The following MYH9 variants were observed in gnomAD, a reference collection of about 807,000 sequenced individuals.
MYH9 encodes the protein myosin heavy chain 9.
A neutral mutation model predicts 241.9 loss-of-function variants in MYH9; 29 were observed. The ratio of observed to expected loss-of-function variants is 0.12; its 90% CI spans 0.09 to 0.16. The LOEUF (loss-of-function observed/expected upper bound fraction) is 0.16. Ranked by LOEUF, MYH9 falls within the 10% of genes least tolerant of loss-of-function variation. The pLI is 1.00. For missense variants in MYH9, 1,803 were observed against 2,595.5 expected (o/e 0.69, Z 6.63); for synonymous variants, 1,047 against 1,062.6 (o/e 0.99, Z 0.29).
chr22:36,360,897 G>A (rs1044539856), intron 1 of MYH9, among the ~76,000 whole-genome samples: 1 of 152,182 alleles, frequency 6.6e-6, no homozygotes, highest in Non-Finnish European at 1.5e-5. Flanking sequence ...GTGCAATCCT[G>A]CAGGCACCAC....
intron 15 of MYH9, among the ~76,000 whole-genome samples, chr22:36,308,029 C>G (rs908856443): frequency 2.6e-5 from 4 of 152,086 alleles, no homozygotes; most frequent in African/African-American, 4.8e-5. Flanking sequence ...GTGGCCTCAT[C>G]ATAACTGGCC....
chr22:36,353,840 G>A (rs910214657), intron 1 of MYH9, among the ~76,000 whole-genome samples: 19 of 152,220 alleles, frequency 1.2e-4, no homozygotes, highest in African/African-American at 4.6e-4. Flanking sequence ...GCAGAGGACA[G>A]AGTTTCAGAT....
At position 36,320,486 on chromosome 22, in the gene MYH9, C is replaced by T; in HGVS notation, c.869-123G>A. On this transcript the variant is annotated intron_variant, in intron 8 of 40. Coordinates refer to ENST00000216181, the MANE Select transcript of MYH9 (RefSeq NM_002473.6). The surrounding 1 kb of genome is among the most constrained non-coding windows in gnomAD (Gnocchi z 4.8). ...CCTGAGCCCTGACGCACCCTGGAAA[C>T]CGCAGAGTAGCCAGTGACGTTCAGC... 3 of 1,272,096 alleles carry T rather than the reference C, an allele frequency of 2.4e-6. No homozygotes were observed. Among genetic ancestry groups the T allele is most frequent in the Non-Finnish European group, 3.4e-6 (3 of 890,220 alleles). 78.8% of individuals were successfully genotyped at this position (1,272,096 alleles called of 1,614,324 possible).
rs1375723216 is a variant in MYH9 at position 36,292,036 on chromosome 22, G to C, written c.4294C>G (p.Gln1432Glu). The C allele has an allele frequency of 6.2e-7, 1 of 1,614,072 alleles. No homozygotes were observed. Among genetic ancestry groups the C allele is most frequent in the Non-Finnish European group, 8.5e-7 (1 of 1,180,054 alleles). The change falls in exon 31 of 41, where the codon CAG becomes GAG. Residue 1432 changes from glutamine (Q) to glutamate (E), a missense_variant. Physicochemically the swap from Gln to Glu is conservative, Grantham distance 29. Around this residue, in one of 11 missense-constraint regions of MYH9, gnomAD observed 876 missense variants for 1,077.8 expected, o/e 0.81. Transcript: ENST00000216181. ...TCCAGGTTGCACGCGCTCTGGCGCT[G>C]GTGGTCCAGGTCCACCAGCAGGTCG... ...LDDLLVDLDH[Q>E]RQSACNLEKK...
Position 36,298,998 on chromosome 22 carries a change from G to A in MYH9, c.3021C>T (p.Asn1007=). ...LEDRIAEFTT[N]LTEEEEKSKS... The stretch of plus-strand genomic sequence containing the variant: ...TAGATTTCTCCTCCTCTTCTGTGAG[G>A]TTGGTGGTGAACTCAGCTATTCTGT... Residue 1007 remains asparagine, a synonymous_variant, in exon 24 of 41, where the codon AAC becomes AAT. Transcript: ENST00000216181. 2.5e-6 allele frequency: 4 copies of A among 1,614,166 alleles called. No homozygotes were observed. The highest frequency in any genetic ancestry group is 3.4e-6 in the Non-Finnish European group (4 of 1,180,018).
intron 1 of MYH9, among the ~76,000 whole-genome samples, chr22:36,355,979 G>C (rs562573161): frequency 4.6e-5 from 7 of 152,314 alleles, no homozygotes; most frequent in African/African-American, 1.7e-4. Context: ...AAAGAAGGTG[G>C]GAGTGTGACC....
intron 1 of MYH9, among the ~76,000 whole-genome samples, chr22:36,355,426 T>G (rs1362877083): frequency 6.6e-6 from 1 of 152,164 alleles, no homozygotes; most frequent in South Asian, 2.1e-4. Context: ...CTCTTTTTAC[T>G]TATTTGTGGG....
intron 1 of MYH9, among the ~76,000 whole-genome samples, chr22:36,356,006 A>T (rs1455456516): frequency 3.3e-5 from 5 of 152,170 alleles, no homozygotes; most frequent in Admixed American, 3.3e-4. Flanking sequence ...GAGCCATTTG[A>T]GTTCTCTGTG....
Position 36,300,093 on chromosome 22 carries a change from T to C in MYH9, c.2976+34A>G. On this transcript the variant is annotated intron_variant, in intron 23 of 40. Transcript: ENST00000216181. The surrounding 1 kb of genome is among the most constrained non-coding windows in gnomAD (Gnocchi z 5.0). ...CACACTCTCCCATCCACGGCGCCCC[T>C]GGAGCAGCGGCAGGCGACAGCCACG... The C allele has an allele frequency of 6.2e-7, 1 of 1,606,440 alleles. No individual in the cohort carries two copies. The highest frequency in any genetic ancestry group is 1.1e-5 in the South Asian group (1 of 91,072).
At chr22:36,284,879 C>T (rs2016552841) in intron 38 of MYH9, among the ~76,000 whole-genome samples, 2 of 152,190 alleles carry the variant, frequency 1.3e-5, no homozygotes, top group Admixed American at 6.5e-5. Context: ...CTCTGATTCA[C>T]TCTCAGACAC....
At chr22:36,299,941 A>G (rs1031478463) in intron 23 of MYH9, among the ~76,000 whole-genome samples, 186 bp downstream of exon 23, 1 of 152,102 alleles carries the variant, frequency 6.6e-6, no homozygotes, top group Non-Finnish European at 1.5e-5. Flanking sequence ...TTTGCTTATG[A>G]GGAAATCCCT....
Position 36,306,052 on chromosome 22 carries a change from C to T in MYH9, c.2038-1G>A. ...CGAGATGCGGGTCCAGCTTGCCGGCCTGGAGAAGAAAACACATGCATGCGG... is the reference window on the plus strand; with the variant it reads ...CGAGATGCGGGTCCAGCTTGCCGGCTTGGAGAAGAAAACACATGCATGCGG... On this transcript the variant is annotated splice_acceptor_variant, in intron 16 of 40. Coordinates refer to ENST00000216181, the MANE Select transcript of MYH9 (RefSeq NM_002473.6). LOFTEE classifies it high-confidence loss of function. The surrounding 1 kb of genome is among the most constrained non-coding windows in gnomAD (Gnocchi z 4.1). 6.2e-7 allele frequency: 1 copy of T among 1,613,046 alleles called. No homozygotes were observed. Among genetic ancestry groups the T allele is most frequent in the Non-Finnish European group, 8.5e-7 (1 of 1,180,016 alleles).
At chr22:36,375,422 C>T (rs374666025) in intron 1 of MYH9, among the ~76,000 whole-genome samples, 3 of 152,188 alleles carry the variant, frequency 2.0e-5, no homozygotes, top group South Asian at 2.1e-4. Context: ...CTGGCAACCC[C>T]GCTGTGGGTT....
chr22:36,312,610 C>T (rs1007306984), intron 13 of MYH9, among the ~76,000 whole-genome samples: 7 of 152,118 alleles, frequency 4.6e-5, no homozygotes, highest in African/African-American at 1.7e-4. Flanking sequence ...ACATGCTTTG[C>T]GTCTGCATGT....
At position 36,289,145 on chromosome 22, in the gene MYH9, G is replaced by A. The variant is rs1407192548; in HGVS notation, c.4497C>T (p.Asn1499=). 2.5e-6 allele frequency: 4 copies of A among 1,614,060 alleles called. No individual in the cohort carries two copies. In the South Asian group the frequency reaches 4.4e-5, roughly 18 times the overall value. The change falls in exon 32 of 41, where the codon AAC becomes AAT. Residue 1499 remains asparagine, a synonymous_variant. Transcript: ENST00000216181. ...MEQKAELERL[N]KQFRTEMEDL... is the part of the protein sequence containing the mutation. Reference sequence around the variant, plus strand: ...CCTCCATCTCCGTGCGGAACTGCTTGTTGAGCCGCTCCAGCTCCGCCTTCT... The same window carrying A: ...CCTCCATCTCCGTGCGGAACTGCTTATTGAGCCGCTCCAGCTCCGCCTTCT...
At chr22:36,385,224 G>A (rs1335464521) in intron 1 of MYH9, among the ~76,000 whole-genome samples, 1 of 151,406 alleles carries the variant, frequency 6.6e-6, no homozygotes, top group Non-Finnish European at 1.5e-5. Flanking sequence ...CCCTCCAAGA[G>A]AAGGGTAGGG....
chr22:36,331,776 G>A (rs1444954865), intron 3 of MYH9, among the ~76,000 whole-genome samples: 1 of 152,218 alleles, frequency 6.6e-6, no homozygotes, highest in Non-Finnish European at 1.5e-5. Flanking sequence ...GGCTCCACCT[G>A]GGAGAGGTCC....
chr22:36,294,034 G>T, intron 28 of MYH9, 58 bp downstream of exon 28: 2 of 1,584,916 alleles, frequency 1.3e-6, no homozygotes, highest in Admixed American at 1.7e-5. Flanking sequence ...CTGGGGACCT[G>T]GGCCACAACT....
At chr22:36,319,378 C>T (rs552083584) in intron 10 of MYH9, among the ~76,000 whole-genome samples, 162 bp downstream of exon 10, 8 of 152,242 alleles carry the variant, frequency 5.3e-5, no homozygotes, top group Non-Finnish European at 1.0e-4. Context: ...GAAAAAAAAG[C>T]AGGGTCATGT....
Sources: gnomAD v4.1 joint callset for allele counts (sites outside exome capture counted in the v4.1 genomes callset) on GRCh38, gnomAD v4.1.1 for gene constraint, gnomAD v4.1.1 regional missense constraint, Gnocchi (gnomAD v3.1) non-coding constraint, MANE v1.5 for transcripts, NCBI Gene and HGNC (gene_info 2026-07-23, HGNC 2026-07-21) for gene names.